BLMH: variants seen among roughly 807,000 people sequenced by gnomAD.
BLMH encodes the protein BLM hydrolase.
BLMH carries 32 observed loss-of-function variants against 61.6 expected under a neutral mutation model. The observed-to-expected ratio is 0.52, with a 90% confidence interval of 0.39 to 0.70. The LOEUF is 0.70. Among genes scored for constraint, BLMH ranks in the 30% least tolerant of loss-of-function variants. The probability of loss-of-function intolerance (pLI) is 0.00; values close to 1 mark genes in which losing one functional copy is unlikely to be tolerated. For missense variants in BLMH, 460 were observed against 555.5 expected (o/e 0.83, Z 1.73); for synonymous variants, 183 against 193.8 (o/e 0.94, Z 0.46).
chr17:30,264,188 G>A (rs528585809), intron 11 of BLMH, among the ~76,000 whole-genome samples: 3 of 152,234 alleles, frequency 2.0e-5, no homozygotes, highest in East Asian at 3.9e-4. Flanking sequence ...TTGAATGAAC[G>A]ACTCCCTACC....
In BLMH at chr17:30,273,775, C is replaced by G. The variant is rs941661970; in HGVS notation, c.801+267G>C. 7 of 485,846 alleles carry G rather than the reference C, an allele frequency of 1.4e-5. No individual in the cohort carries two copies. The East Asian group carries it at 2.8e-4, about 20-fold the overall frequency. The allele number at this position is 485,846 out of a possible 1,614,324, so 30.1% of individuals were successfully genotyped here. A position where few individuals can be genotyped will look rare whatever the true frequency, so the allele number is the denominator to read the frequency against. ...TTTGCACTTGAGAATGATTCTGGTCCTATACAGGGGCGCATGTGGGAATTA... is the reference window on the plus strand; with the variant it reads ...TTTGCACTTGAGAATGATTCTGGTCGTATACAGGGGCGCATGTGGGAATTA... On this transcript the variant is annotated intron_variant, in intron 7 of 11. Coordinates refer to ENST00000261714, the MANE Select transcript of BLMH (RefSeq NM_000386.4).
chr17:30,256,187 C>T (rs1368905898), intron 11 of BLMH, among the ~76,000 whole-genome samples: 1 of 152,144 alleles, frequency 6.6e-6, no homozygotes, highest in African/African-American at 2.4e-5. Flanking sequence ...ACACCTAGCC[C>T]TCTGCGCATT....
At chr17:30,250,444 C>T (rs771435626) in intron 11 of BLMH, among the ~76,000 whole-genome samples, 1 of 152,070 alleles carries the variant, frequency 6.6e-6, no homozygotes, top group Non-Finnish European at 1.5e-5. Context: ...CATGAATAGA[C>T]AATCTGAAAA....
chr17:30,254,928 T>C (rs2143019710), intron 11 of BLMH, among the ~76,000 whole-genome samples: 1 of 152,354 alleles, frequency 6.6e-6, no homozygotes, highest in Admixed American at 6.5e-5. Flanking sequence ...ATACACATAC[T>C]GTTTTCCAAT....
intron 5 of BLMH, 137 bp downstream of exon 5, chr17:30,286,677 T>C (rs1168752537): frequency 6.9e-6 from 4 of 582,888 alleles, no homozygotes; most frequent in Non-Finnish European, 8.9e-6. Flanking sequence ...AGTAGCTACA[T>C]TGCTTTTGAC....
chr17:30,266,923 C>G lies in BLMH; in HGVS notation c.1178G>C (p.Arg393Thr), dbSNP rs1285378792. 5.6e-6 allele frequency: 9 copies of G among 1,614,056 alleles called. 1 individual carries two copies. The highest frequency in any genetic ancestry group is 7.6e-6 in the Non-Finnish European group (9 of 1,180,016). ...GTCTTCACCCCATGAATTCTCCACT[C>G]TCCATTTTGTGAAAGCACCATCCTG... ...DDQDGAFTKW[R>T]VENSWGEDHG... Residue 393 changes from arginine (R) to threonine (T), a missense_variant, in exon 11 of 12, where the codon AGA becomes ACA. Arg to Thr is a moderately conservative substitution (Grantham distance 71). Around this residue, in one of 5 missense-constraint regions of BLMH, gnomAD observed 310 missense variants for 371.1 expected, o/e 0.84. Coordinates refer to ENST00000261714, the MANE Select transcript of BLMH (RefSeq NM_000386.4).
chr17:30,291,903 G>A lies in BLMH; in HGVS notation c.-84C>T. 7.9e-7 allele frequency: 1 copy of A among 1,267,012 alleles called. No individual in the cohort carries two copies. Among genetic ancestry groups the A allele is most frequent in the Non-Finnish European group, 9.9e-7 (1 of 1,005,294 alleles). 78.5% of individuals were successfully genotyped at this position (1,267,012 alleles called of 1,614,324 possible). A position where few individuals can be genotyped will look rare whatever the true frequency, so the allele number is the denominator to read the frequency against. On this transcript the variant is annotated 5_prime_UTR_variant, in exon 1 of 12. Transcript: ENST00000261714. ...GGATTGCGCTGCGGCTCGCTGCCTA[G>A]GGGGCCCGACCTGTCTCTCGCACCC...
intron 5 of BLMH, 26 bp from the exon 6 acceptor site, chr17:30,285,506 C>T (rs756469451): frequency 6.5e-7 from 1 of 1,550,196 alleles, no homozygotes; most frequent in East Asian, 2.3e-5. Context: ...ATTCAGCACT[C>T]CAACAGTTAC....
intron 6 of BLMH, among the ~76,000 whole-genome samples, chr17:30,276,223 A>ATC (rs1908420943): frequency 6.6e-6 from 1 of 152,314 alleles, no homozygotes; most frequent in African/African-American, 2.4e-5. Context: ...TTGCTGTACT[A>ATC]TCTTTCACTA....
intron 7 of BLMH, chr17:30,273,491 C>T (rs1005823710): frequency 6.3e-6 from 1 of 159,344 alleles, no homozygotes; most frequent in Non-Finnish European, 1.4e-5. Flanking sequence ...TGAAAAATAA[C>T]ATGCACTGAG....
chr17:30,269,458 GGT>G (rs905912007), intron 10 of BLMH, among the ~76,000 whole-genome samples: 2 of 152,010 alleles, frequency 1.3e-5, no homozygotes, highest in African/African-American at 4.8e-5. Context: ...TGGGATTTCA[GGT>G]GTGAGTCACT....
chr17:30,285,469 G>A lies in BLMH; in HGVS notation c.564C>T (p.Phe188=), dbSNP rs778016475. The A allele has an allele frequency of 1.2e-5, 20 of 1,608,182 alleles. No homozygotes were observed. The South Asian group carries it at 2.2e-4, about 18-fold the overall frequency. Reference sequence around the variant, plus strand: ...GTACCAGGTTCCGCAGTCGTATACAGAATTCTCTCATCTATGACAGAAACT... The same window carrying A: ...GTACCAGGTTCCGCAGTCGTATACAAAATTCTCTCATCTATGACAGAAACT... ...NDILNHKMRE[F]CIRLRNLVHS... is the part of the protein sequence containing the mutation. The change falls in exon 6 of 12, where the codon TTC becomes TTT. Residue 188 remains phenylalanine (F), a synonymous_variant. Coordinates refer to ENST00000261714, the MANE Select transcript of BLMH (RefSeq NM_000386.4).
Position 30,271,319 on chromosome 17 carries a change from A to T in BLMH, c.1098T>A (p.Gly366=). 1 of 1,614,146 alleles carries T rather than the reference A, an allele frequency of 6.2e-7. No individual in the cohort carries two copies. Among genetic ancestry groups the T allele is most frequent in the Non-Finnish European group, 8.5e-7 (1 of 1,180,012 alleles). Residue 366 remains glycine, a synonymous_variant, in exon 10 of 12, where the codon GGT becomes GGA. Coordinates refer to ENST00000261714, the MANE Select transcript of BLMH (RefSeq NM_000386.4). Reference sequence around the variant, plus strand: ...TCATGGCGTGGGTCATAAGTGACTCACCAAAAGTCAGCCTCTCCGCTTTAT... The same window carrying T: ...TCATGGCGTGGGTCATAAGTGACTCTCCAAAAGTCAGCCTCTCCGCTTTAT... The part of the protein sequence containing the change: ...NMNKAERLTF[G]ESLMTHAMTF...
At chr17:30,272,306 AG>A in intron 9 of BLMH, 1 of 523,076 alleles carries the variant, frequency 1.9e-6, no homozygotes, top group South Asian at 3.0e-5. Flanking sequence ...TTTCTCATAG[AG>A]GATGGCTTTT....
intron 11 of BLMH, chr17:30,249,804 C>T (rs745806829): frequency 2.0e-5 from 3 of 152,468 alleles, no homozygotes; most frequent in Non-Finnish European, 4.4e-5. Context: ...TCTACGATGA[C>T]GATCAGGCGG....
chr17:30,287,038 G>C (rs1418611275), intron 4 of BLMH, 136 bp from the exon 5 acceptor site: 1 of 638,202 alleles, frequency 1.6e-6, no homozygotes, highest in African/African-American at 1.9e-5. Context: ...TATGAAGCAG[G>C]GTTTTTTGTT....
chr17:30,278,662 G>A (rs6505169), intron 6 of BLMH, among the ~76,000 whole-genome samples: 85,913 of 152,014 alleles, frequency 0.57, 27,565 homozygotes, highest in African/African-American at 0.89. Flanking sequence ...TAACGAACAC[G>A]TGACTTTTTT....
chr17:30,256,743 AAAG>A (rs1226053730), intron 11 of BLMH, among the ~76,000 whole-genome samples: 4 of 152,182 alleles, frequency 2.6e-5, no homozygotes, highest in Non-Finnish European at 4.4e-5. Context: ...AACAAAAAAA[AAAG>A]AAGGATAAGT....
chr17:30,291,264 G>GCTGTCAGGAAGGTCAAGGAA (rs771691380), intron 2 of BLMH, 47 bp downstream of exon 2: 32 of 1,578,410 alleles, frequency 2.0e-5, no homozygotes, highest in Non-Finnish European at 2.8e-5. Flanking sequence ...AAAATGGGAC[G>GCTGTCAGGAAGGTCAAGGAA]CTGTCAGGAA....
Sources: gnomAD v4.1 joint callset for allele counts (sites outside exome capture counted in the v4.1 genomes callset) on GRCh38, gnomAD v4.1.1 for gene constraint, gnomAD v4.1.1 regional missense constraint, MANE v1.5 for transcripts, NCBI Gene and HGNC (gene_info 2026-07-23, HGNC 2026-07-21) for gene names.